Variants in PEBP4 observed in about 807,000 individuals in gnomAD.
PEBP4 encodes the protein phosphatidylethanolamine-binding protein 4.
In PEBP4, 22 loss-of-function variants were observed where a neutral mutation model predicts 23.9. That is an observed-to-expected ratio of 0.92 (90% CI 0.66 to 1.31). The LOEUF (loss-of-function observed/expected upper bound fraction) is 1.31, where lower values mean the gene tolerates loss of function less well. Among genes scored for constraint, PEBP4 ranks in the 40% most tolerant of loss-of-function variants. PEBP4 has a pLI of 0.00. For missense variants in PEBP4, 324 were observed against 281.7 expected (o/e 1.15, Z -1.07); for synonymous variants, 112 against 99.3 (o/e 1.13, Z -0.76).
chr8:22,927,835 A>C lies in PEBP4; in HGVS notation c.-19T>G. ...GCAGGATAGAGACCTCTGGTTAAGC[A>C]CAGGGAGAAGGACAGGCAGCTTCCA... On this transcript the variant is annotated 5_prime_UTR_variant, in exon 1 of 7. Coordinates refer to ENST00000256404, the MANE Select transcript of PEBP4 (RefSeq NM_144962.3). 7.5e-7 allele frequency: 1 copy of C among 1,338,964 alleles called. No homozygotes were observed. The allele number at this position is 1,338,964 out of a possible 1,614,324, so 82.9% of individuals were successfully genotyped here.
chr8:22,882,589 G>A (rs1320589432), intron 3 of PEBP4, among the ~76,000 whole-genome samples: 1 of 152,244 alleles, frequency 6.6e-6, no homozygotes, highest in East Asian at 1.9e-4. Flanking sequence ...AGCCGCAAAT[G>A]TGAAACTATG....
chr8:22,893,566 G>A (rs565934658), intron 3 of PEBP4, among the ~76,000 whole-genome samples: 4 of 152,208 alleles, frequency 2.6e-5, no homozygotes, highest in African/African-American at 9.6e-5. Flanking sequence ...AAGAAGGTAG[G>A]GGAAGGCTTA....
chr8:22,785,739 G>A (rs973647949), intron 4 of PEBP4, among the ~76,000 whole-genome samples: 4 of 152,306 alleles, frequency 2.6e-5, no homozygotes, highest in East Asian at 1.9e-4. Flanking sequence ...CCAGGTCCCC[G>A]GAGAGGCCAC....
In PEBP4 at chr8:22,828,470, C is replaced by T. The variant is rs1400635774; in HGVS notation, c.259-10735G>A. 3.3e-5 allele frequency among the ~76,000 whole-genome samples: 5 copies of T among 152,298 alleles called. No homozygotes were observed. The East Asian group carries it at 9.6e-4, about 29-fold the overall frequency. ...CTGCCACTGACAACAAGCCATCTCC[C>T]CTGCATCCTGTCTCTCCAGCAATTG... On this transcript the variant is annotated intron_variant, in intron 3 of 6. Coordinates refer to ENST00000256404, the MANE Select transcript of PEBP4 (RefSeq NM_144962.3).
intron 4 of PEBP4, among the ~76,000 whole-genome samples, chr8:22,763,108 G>A (rs777580128): frequency 5.3e-5 from 8 of 152,026 alleles, no homozygotes; most frequent in Non-Finnish European, 7.3e-5. Flanking sequence ...GTGTTCAAGC[G>A]ATTCTCCGAC....
rs984395123 is a variant in PEBP4, at chr8:22,939,721, C to T, written c.145-12001G>A. 2.0e-5 allele frequency among the ~76,000 whole-genome samples: 3 copies of T among 152,018 alleles called. No homozygotes were observed. The South Asian group carries it at 6.2e-4, about 32-fold the overall frequency. On this transcript the variant is annotated intron_variant, in intron 1 of 1. Coordinates refer to the PEBP4 transcript ENST00000522278. ...GAGCTCCAGGGCTGGATTTTCCCAACAATTTTATTACCCAGGAGTCAGGAG... is the reference window on the plus strand; with the variant it reads ...GAGCTCCAGGGCTGGATTTTCCCAATAATTTTATTACCCAGGAGTCAGGAG...
At chr8:22,860,747 G>A (rs968024876) in intron 3 of PEBP4, among the ~76,000 whole-genome samples, 1 of 152,174 alleles carries the variant, frequency 6.6e-6, no homozygotes, top group African/African-American at 2.4e-5. Flanking sequence ...AAGATCTTTT[G>A]AGCATCTGTT....
upstream of PEBP4, among the ~76,000 whole-genome samples, chr8:22,930,285 C>T (rs1020450202): frequency 6.6e-6 from 1 of 152,142 alleles, no homozygotes; most frequent in African/African-American, 2.4e-5. Flanking sequence ...GCTGAAATGT[C>T]GTTTCCTAAG....
chr8:22,906,571 C>T (rs942736116), intron 3 of PEBP4, among the ~76,000 whole-genome samples: 11 of 152,352 alleles, frequency 7.2e-5, no homozygotes, highest in African/African-American at 2.6e-4. Flanking sequence ...CACTGCCTTG[C>T]CTCGACTGTC....
chr8:22,731,641 T>C lies in PEBP4; in HGVS notation c.358-4421A>G, dbSNP rs200317753. 6.6e-3 allele frequency among the ~76,000 whole-genome samples: 701 copies of C among 105,800 alleles called. 4 individuals are homozygous for C. Among genetic ancestry groups the C allele is most frequent in the South Asian group, 0.022 (83 of 3,786 alleles). 69.4% of individuals were successfully genotyped at this position (105,800 alleles called of 152,430 possible). On this transcript the variant is annotated intron_variant, in intron 4 of 6. Transcript: ENST00000256404. The stretch of plus-strand genomic sequence containing the variant: ...TTTATTTATTTATTTATTTATTTAT[T>C]TATCTATCTATCTATTTATTTATTT...
chr8:22,728,602 T>C (rs1804671302), intron 4 of PEBP4, among the ~76,000 whole-genome samples: 1 of 137,182 alleles, frequency 7.3e-6, no homozygotes, highest in East Asian at 2.3e-4. Context: ...CTTCCTTCCT[T>C]CCTTCCTTCC....
upstream of PEBP4, among the ~76,000 whole-genome samples, chr8:22,932,439 A>T (rs1012106097): frequency 2.0e-5 from 3 of 152,154 alleles, no homozygotes; most frequent in African/African-American, 7.2e-5. Flanking sequence ...AAAGCTGTTT[A>T]AAAAAAGTCA....
chr8:22,805,723 G>T (rs776961341), intron 4 of PEBP4, among the ~76,000 whole-genome samples: 6 of 152,106 alleles, frequency 3.9e-5, no homozygotes, highest in Non-Finnish European at 5.9e-5. Context: ...GCAGGTATAT[G>T]GAAATACTGT....
Position 22,817,733 on chromosome 8 carries a change from G to T in PEBP4, c.261C>A (p.Gly87=). Residue 87 remains glycine, a splice_region_variant and synonymous_variant, in exon 4 of 7, where the codon GGC becomes GGA. Transcript: ENST00000256404. ...PIVKFPGAVD[G]ATYILVMVDP... Reference sequence around the variant, plus strand: ...CCACCATCACCAGGATATAGGTTGCGCCCTGTAACACATGTACCGAAAAGT... The same window carrying T: ...CCACCATCACCAGGATATAGGTTGCTCCCTGTAACACATGTACCGAAAAGT... 1 of 1,613,832 alleles carries T rather than the reference G, an allele frequency of 6.2e-7. No homozygotes were observed. Among genetic ancestry groups the T allele is most frequent in the South Asian group, 1.1e-5 (1 of 91,076 alleles).
intron 3 of PEBP4, among the ~76,000 whole-genome samples, chr8:22,829,871 A>T (rs1807044468): frequency 6.6e-6 from 1 of 151,540 alleles, no homozygotes; most frequent in South Asian, 2.1e-4. Context: ...CTTCCCACTA[A>T]CTCCTTAATC....
intron 4 of PEBP4, among the ~76,000 whole-genome samples, chr8:22,803,619 G>A (rs569905894): frequency 1.3e-5 from 2 of 152,104 alleles, no homozygotes; most frequent in African/African-American, 4.8e-5. Context: ...AGCTGAGATG[G>A]CAACACTGCA....
At chr8:22,840,290 C>T (rs1807296259) in intron 3 of PEBP4, among the ~76,000 whole-genome samples, 1 of 152,006 alleles carries the variant, frequency 6.6e-6, no homozygotes, top group Non-Finnish European at 1.5e-5. Context: ...ACTGGTGGGC[C>T]TTTAACAAAG....
intron 3 of PEBP4, among the ~76,000 whole-genome samples, chr8:22,839,232 T>C (rs1807270872): frequency 6.6e-6 from 1 of 152,096 alleles, no homozygotes; most frequent in Admixed American, 6.5e-5. Context: ...CTTTAGGACG[T>C]GGTGTTGGTC....
chr8:22,798,408 T>C (rs561039834), intron 4 of PEBP4: 1 of 153,216 alleles, frequency 6.5e-6, no homozygotes, highest in East Asian at 1.9e-4. Context: ...CTGCGCTAAA[T>C]CACCCCAGGG....
Sources: allele counts gnomAD v4.1 joint callset (sites outside exome capture counted in the v4.1 genomes callset), GRCh38; gene constraint gnomAD v4.1.1; transcripts MANE v1.5; gene names NCBI Gene and HGNC (gene_info 2026-07-23, HGNC 2026-07-21).